BMP5: variants seen among roughly 807,000 people sequenced by gnomAD.
The protein encoded by BMP5 is bone morphogenetic protein 5.
A neutral mutation model predicts 46.6 loss-of-function variants in BMP5; 23 were observed. The ratio of observed to expected loss-of-function variants is 0.49; its 90% CI spans 0.35 to 0.70. The LOEUF is 0.70. Among genes scored for constraint, BMP5 ranks in the 30% least tolerant of loss-of-function variants. BMP5 has a pLI of 0.00. For synonymous variants in BMP5, 204 were observed against 191.9 expected (o/e 1.06, Z -0.52); for missense variants, 545 against 565.6 (o/e 0.96, Z 0.37).
chr6:55,824,109 C>A (rs188603917), intron 1 of BMP5, among the ~76,000 whole-genome samples: 2 of 152,012 alleles, frequency 1.3e-5, no homozygotes, highest in Admixed American at 1.3e-4. Flanking sequence ...CAAACACACA[C>A]ATTTAACACT....
chr6:55,821,107 T>C (rs1030446001), intron 1 of BMP5, among the ~76,000 whole-genome samples: 1 of 152,058 alleles, frequency 6.6e-6, no homozygotes, highest in Non-Finnish European at 1.5e-5. Flanking sequence ...AGCATTAAGA[T>C]TATGGAAGGG....
At chr6:55,855,949 C>A (rs2127551788) in intron 1 of BMP5, among the ~76,000 whole-genome samples, 1 of 152,258 alleles carries the variant, frequency 6.6e-6, no homozygotes, top group East Asian at 1.9e-4. Context: ...CTACCATTAG[C>A]TCTATGGCTT....
chr6:55,871,860 A>C (rs1562081325), intron 1 of BMP5, among the ~76,000 whole-genome samples: 1 of 151,780 alleles, frequency 6.6e-6, no homozygotes, highest in East Asian at 1.9e-4. Flanking sequence ...CTTCCTCAAT[A>C]CAAATCCCTT....
intron 3 of BMP5, among the ~76,000 whole-genome samples, chr6:55,785,761 T>A (rs6459106): frequency 0.43 from 63,006 of 148,004 alleles, 14,951 homozygotes; most frequent in African/African-American, 0.7. Context: ...AAAAAAAAAA[T>A]TTTTTCAGAA....
chr6:55,853,195 A>AATAAG (rs1777295259), intron 1 of BMP5, among the ~76,000 whole-genome samples: 2 of 130,004 alleles, frequency 1.5e-5, no homozygotes, highest in Non-Finnish European at 3.3e-5. Flanking sequence ...AATAAAATAA[A>AATAAG]ATAAAATAAA....
chr6:55,833,883 G>T (rs1776721508), intron 1 of BMP5, among the ~76,000 whole-genome samples: 1 of 151,996 alleles, frequency 6.6e-6, no homozygotes, highest in Non-Finnish European at 1.5e-5. Context: ...TGTCCAGAGA[G>T]AACCACTAAC....
At chr6:55,834,032 T>C (rs1776726116) in intron 1 of BMP5, among the ~76,000 whole-genome samples, 1 of 152,178 alleles carries the variant, frequency 6.6e-6, no homozygotes, top group Non-Finnish European at 1.5e-5. Flanking sequence ...ATGATTATCA[T>C]TTAGCCACCA....
chr6:55,850,395 TCGATAGATATAG>T (rs769765135), intron 1 of BMP5, among the ~76,000 whole-genome samples: 37 of 93,028 alleles, frequency 4.0e-4, no homozygotes, highest in Non-Finnish European at 7.1e-4. Context: ...GATAGATAGA[TCGATAGATATAG>T]ATAGATAGAT....
intron 4 of BMP5, among the ~76,000 whole-genome samples, chr6:55,761,411 G>A (rs1214345551): frequency 6.6e-6 from 1 of 152,048 alleles, no homozygotes; most frequent in African/African-American, 2.4e-5. Flanking sequence ...ATCATTAAGA[G>A]TGAAATATTC....
chr6:55,790,465 A>C (rs1367247314), intron 3 of BMP5, among the ~76,000 whole-genome samples: 1 of 152,196 alleles, frequency 6.6e-6, no homozygotes, highest in Non-Finnish European at 1.5e-5. Context: ...TAGTAAGTTT[A>C]GTTCTTTTTT....
chr6:55,807,748 G>T (rs968780166), intron 2 of BMP5, among the ~76,000 whole-genome samples: 6 of 152,086 alleles, frequency 3.9e-5, no homozygotes, highest in African/African-American at 9.7e-5. Flanking sequence ...ACTGTTATTG[G>T]TCTATTCAAG....
chr6:55,811,207 A>AG (rs778080539), intron 2 of BMP5, among the ~76,000 whole-genome samples: 20 of 152,190 alleles, frequency 1.3e-4, no homozygotes, highest in Non-Finnish European at 2.5e-4. Flanking sequence ...AGAAGGAGGC[A>AG]GGGGGAGATG....
At chr6:55,770,886 T>C (rs1245304940) in intron 4 of BMP5, among the ~76,000 whole-genome samples, 1 of 151,850 alleles carries the variant, frequency 6.6e-6, no homozygotes, top group Non-Finnish European at 1.5e-5. Flanking sequence ...AACATTTACT[T>C]CCCATCTTAT....
At chr6:55,833,125 A>G (rs1776705694) in intron 1 of BMP5, among the ~76,000 whole-genome samples, 1 of 152,162 alleles carries the variant, frequency 6.6e-6, no homozygotes, top group African/African-American at 2.4e-5. Context: ...CTAAGAAATA[A>G]AAAATAAATA....
chr6:55,816,112 T>G (rs1440988595), intron 2 of BMP5, among the ~76,000 whole-genome samples: 1 of 151,964 alleles, frequency 6.6e-6, no homozygotes, highest in Non-Finnish European at 1.5e-5. Flanking sequence ...GCTTAGGATA[T>G]AAATAACCAA....
chr6:55,865,626 C>T (rs1777622970), intron 1 of BMP5, among the ~76,000 whole-genome samples: 1 of 152,150 alleles, frequency 6.6e-6, no homozygotes, highest in Non-Finnish European at 1.5e-5. Flanking sequence ...AAATTATGTG[C>T]ATAATGTTTC....
intron 2 of BMP5, among the ~76,000 whole-genome samples, chr6:55,806,508 C>T (rs1291126971): frequency 1.2e-4 from 19 of 152,130 alleles, no homozygotes; most frequent in Non-Finnish European, 2.9e-5. Flanking sequence ...AGCATGATGC[C>T]TCCAGCTTTG....
chr6:55,780,080 T>C (rs1775271225), intron 3 of BMP5, among the ~76,000 whole-genome samples: 1 of 150,990 alleles, frequency 6.6e-6, no homozygotes, highest in Non-Finnish European at 1.5e-5. Context: ...TTTAAAAGAG[T>C]AATCTAAAAA....
chr6:55,794,456 T>C (rs748689226), intron 2 of BMP5, 29 bp from the exon 3 acceptor site: 1 of 1,608,844 alleles, frequency 6.2e-7, no homozygotes, highest in Non-Finnish European at 8.5e-7. Context: ...ACAAAAAAAG[T>C]TAAAGGTTTA....
Sources: gnomAD v4.1 joint callset for allele counts (sites outside exome capture counted in the v4.1 genomes callset) on GRCh38, gnomAD v4.1.1 for gene constraint, MANE v1.5 for transcripts, NCBI Gene and HGNC (gene_info 2026-07-23, HGNC 2026-07-21) for gene names.